The following DPP10 variants were observed in gnomAD, a reference collection of about 807,000 sequenced individuals.
The protein encoded by DPP10 is dipeptidyl peptidase like 10.
Under a neutral mutation model 120.9 loss-of-function variants are expected in DPP10, and 33 were observed. The observed-to-expected ratio is 0.27, with a 90% confidence interval of 0.21 to 0.37. The LOEUF (loss-of-function observed/expected upper bound fraction) is 0.37. DPP10 is among the 10% of genes least tolerant of loss of function. DPP10 has a pLI of 1.00. For synonymous variants in DPP10, 337 were observed against 326.1 expected, an observed-to-expected ratio of 1.03 and a Z score of -0.36; for missense variants, 816 against 942.8, an observed-to-expected ratio of 0.87 and a Z score of 1.76.
At chr2:114,525,589 C>A (rs893678039) in intron 1 of DPP10, among the ~76,000 whole-genome samples, 1 of 152,112 alleles carries the variant, frequency 6.6e-6, no homozygotes, top group African/African-American at 2.4e-5. Context: ...AAGTATTGTT[C>A]GAGATCGAGT....
At chr2:114,954,212 C>T (rs1257948824) in intron 1 of DPP10, among the ~76,000 whole-genome samples, 2 of 150,978 alleles carry the variant, frequency 1.3e-5, no homozygotes, top group Non-Finnish European at 1.5e-5. Flanking sequence ...TCCTGAGTAG[C>T]TGGGACTACA....
At chr2:115,769,014 G>A (rs1233589872) in intron 13 of DPP10, among the ~76,000 whole-genome samples, 1 of 151,524 alleles carries the variant, frequency 6.6e-6, no homozygotes, top group Admixed American at 6.6e-5. Flanking sequence ...AGAATATGAA[G>A]GGTTTATACA....
intron 5 of DPP10, among the ~76,000 whole-genome samples, chr2:115,603,570 GT>G (rs61548055): frequency 1.0e-5 from 1 of 99,294 alleles, no homozygotes; most frequent in African/African-American, 3.2e-5. Context: ...GTTTTTTTTT[GT>G]TTTTTTTTTT....
chr2:114,689,389 A>G (rs1287698272), intron 1 of DPP10, among the ~76,000 whole-genome samples: 1 of 151,844 alleles, frequency 6.6e-6, no homozygotes, highest in Non-Finnish European at 1.5e-5. Flanking sequence ...AGCTCCATCC[A>G]TGTCCCTGCA....
At chr2:115,725,212 T>C (rs1011655549) in intron 7 of DPP10, among the ~76,000 whole-genome samples, 12 of 152,236 alleles carry the variant, frequency 7.9e-5, no homozygotes, top group Non-Finnish European at 1.6e-4. Context: ...ATCATTGTCA[T>C]TGGGGTCCAG....
intron 1 of DPP10, among the ~76,000 whole-genome samples, chr2:114,946,550 CT>C (rs1697359504): frequency 6.6e-6 from 1 of 152,026 alleles, no homozygotes; most frequent in African/African-American, 2.4e-5. Context: ...AAAATATCCC[CT>C]ATTCATGTAA....
At chr2:115,334,814 C>T (rs1381592932) in intron 2 of DPP10, among the ~76,000 whole-genome samples, 2 of 151,728 alleles carry the variant, frequency 1.3e-5, no homozygotes, top group African/African-American at 2.4e-5. Context: ...AGTAAATGAG[C>T]TCCGTAATTT....
chr2:115,212,165 C>CTT (rs749796379), intron 1 of DPP10, among the ~76,000 whole-genome samples: 2 of 152,132 alleles, frequency 1.3e-5, no homozygotes, highest in African/African-American at 2.4e-5. Context: ...AAACTAAACA[C>CTT]TTACTGTTCC....
chr2:115,805,260 G>A lies in DPP10; in HGVS notation c.1701-9533G>A, dbSNP rs1012588736. On this transcript the variant is annotated intron_variant, in intron 19 of 25. Transcript: ENST00000410059. The stretch of plus-strand genomic sequence containing the variant: ...GTGGGGTATAATCTCCTGGTGCACC[G>A]TTTGTGAAGCCTGTTGGAAAAGCAA... Among the ~76,000 whole-genome samples the A allele has an allele frequency of 3.3e-5, 5 of 152,258 alleles. No individual in the cohort carries two copies. The East Asian group carries it at 5.8e-4, about 18-fold the overall frequency.
At chr2:114,917,401 T>C (rs1012851410) in intron 1 of DPP10, among the ~76,000 whole-genome samples, 11 of 152,126 alleles carry the variant, frequency 7.2e-5, no homozygotes, top group African/African-American at 2.7e-4. Context: ...CAACAGCAAT[T>C]TACAGATTCA....
At chr2:114,780,015 A>G (rs754876158) in intron 1 of DPP10, among the ~76,000 whole-genome samples, 1 of 151,946 alleles carries the variant, frequency 6.6e-6, no homozygotes, top group African/African-American at 2.4e-5. Flanking sequence ...GGTCGCCTGT[A>G]GTCCCAGCTA....
intron 1 of DPP10, among the ~76,000 whole-genome samples, chr2:114,493,295 G>T (rs1367612284): frequency 6.6e-6 from 1 of 152,176 alleles, no homozygotes; most frequent in African/African-American, 2.4e-5. Flanking sequence ...ATGGTGGGCA[G>T]AGAGAGAAAG....
chr2:115,071,194 C>A (rs1478210460), intron 1 of DPP10, among the ~76,000 whole-genome samples: 3 of 152,026 alleles, frequency 2.0e-5, no homozygotes, highest in South Asian at 2.1e-4. Flanking sequence ...TTTTTTATAA[C>A]CTTTCTTCTA....
intron 1 of DPP10, among the ~76,000 whole-genome samples, chr2:114,779,798 T>A (rs1682123630): frequency 6.6e-6 from 1 of 152,132 alleles, no homozygotes; most frequent in South Asian, 2.1e-4. Flanking sequence ...GTGATCATGT[T>A]TATCAAAAAT....
At chr2:114,843,443 C>T (rs1483967561) in intron 1 of DPP10, among the ~76,000 whole-genome samples, 1 of 152,056 alleles carries the variant, frequency 6.6e-6, no homozygotes, top group Non-Finnish European at 1.5e-5. Flanking sequence ...GATTGCTCAA[C>T]AAAATAAAGA....
chr2:114,922,275 T>G (rs1464806247), intron 1 of DPP10, among the ~76,000 whole-genome samples: 1 of 152,196 alleles, frequency 6.6e-6, no homozygotes, highest in Admixed American at 6.5e-5. Context: ...ATGCAACCAC[T>G]AATCTCTGTT....
At chr2:115,719,848 G>A (rs767882127) in intron 7 of DPP10, among the ~76,000 whole-genome samples, 16 of 152,118 alleles carry the variant, frequency 1.1e-4, no homozygotes, top group Non-Finnish European at 2.1e-4. Context: ...ATGGTGCCAA[G>A]TGCAGAAACA....
intron 17 of DPP10, among the ~76,000 whole-genome samples, chr2:115,790,786 T>C (rs1049744115): frequency 4.6e-5 from 7 of 152,188 alleles, no homozygotes; most frequent in Admixed American, 6.5e-5. Context: ...CGCATCTCAT[T>C]TGGTGCTAGA....
intron 1 of DPP10, among the ~76,000 whole-genome samples, chr2:114,730,091 T>A (rs909066165): frequency 6.6e-6 from 1 of 151,922 alleles, no homozygotes; most frequent in Non-Finnish European, 1.5e-5. Context: ...ATTCTCTGAA[T>A]AAATGCATAA....
Sources: allele counts gnomAD v4.1 joint callset (sites outside exome capture counted in the v4.1 genomes callset), GRCh38; gene constraint gnomAD v4.1.1; transcripts MANE v1.5; gene names NCBI Gene and HGNC (gene_info 2026-07-23, HGNC 2026-07-21).